The following GFRA1 variants were observed in gnomAD, a reference collection of about 807,000 sequenced individuals.
GFRA1 encodes the protein GDNF family receptor alpha-1.
GFRA1 carries 16 observed loss-of-function variants against 51.6 expected under a neutral mutation model. That is an observed-to-expected ratio of 0.31 (90% confidence interval 0.21 to 0.47). The LOEUF (loss-of-function observed/expected upper bound fraction) is 0.47. Ranked by LOEUF, GFRA1 falls within the 20% of genes least tolerant of loss-of-function variation. GFRA1 has a pLI of 1.00. For missense variants in GFRA1, 530 were observed against 594.3 expected (o/e 0.89, Z 1.13); for synonymous variants, 270 against 241.3 (o/e 1.12, Z -1.10).
At chr10:116,164,595 G>A (rs143970987) in intron 5 of GFRA1, among the ~76,000 whole-genome samples, 331 of 152,254 alleles carry the variant, frequency 2.2e-3, no homozygotes, top group African/African-American at 7.1e-3. Context: ...ATTTATTTTC[G>A]GATTCTCATT....
chr10:116,134,849 C>T (rs558789333), intron 5 of GFRA1, among the ~76,000 whole-genome samples: 9 of 152,182 alleles, frequency 5.9e-5, no homozygotes, highest in Non-Finnish European at 1.2e-4. Context: ...TGTCGCTTGC[C>T]TGCACCCTCT....
intron 4 of GFRA1, among the ~76,000 whole-genome samples, chr10:116,254,777 C>T (rs781634213): frequency 1.2e-4 from 18 of 152,164 alleles, no homozygotes; most frequent in Non-Finnish European, 2.1e-4. Context: ...AAAGAGAAAC[C>T]TTGTCACAGG....
At chr10:116,187,344 G>A (rs1962822266) in intron 5 of GFRA1, among the ~76,000 whole-genome samples, 1 of 152,164 alleles carries the variant, frequency 6.6e-6, no homozygotes, top group Non-Finnish European at 1.5e-5. Flanking sequence ...GCAGGACCCT[G>A]TGTGGCCCCT....
At chr10:116,126,528 T>C (rs977139693) in intron 5 of GFRA1, among the ~76,000 whole-genome samples, 22 of 152,156 alleles carry the variant, frequency 1.4e-4, no homozygotes, top group Non-Finnish European at 2.4e-4. Context: ...CTGTCCCCAA[T>C]AGAGGAATGT....
chr10:116,139,953 A>C (rs1958493811), intron 5 of GFRA1, among the ~76,000 whole-genome samples: 1 of 152,238 alleles, frequency 6.6e-6, no homozygotes, highest in Non-Finnish European at 1.5e-5. Context: ...CACAGATACT[A>C]ATTAGCCTTT....
At chr10:116,222,529 C>T (rs1029986161) in intron 4 of GFRA1, among the ~76,000 whole-genome samples, 2 of 152,158 alleles carry the variant, frequency 1.3e-5, no homozygotes, top group African/African-American at 2.4e-5. Context: ...GGCTCTGCCA[C>T]TGGGAAAGCA....
chr10:116,118,170 A>C (rs1957504457), intron 6 of GFRA1, among the ~76,000 whole-genome samples: 1 of 152,228 alleles, frequency 6.6e-6, no homozygotes, highest in African/African-American at 2.4e-5. Context: ...GTAAAGATTT[A>C]GTCAGTACCC....
chr10:116,164,727 C>T (rs987755117), intron 5 of GFRA1, among the ~76,000 whole-genome samples: 3 of 152,136 alleles, frequency 2.0e-5, no homozygotes, highest in Admixed American at 2.0e-4. Flanking sequence ...ACATGATTTG[C>T]ACTTGAAAAA....
chr10:116,065,357 C>T (rs1186816820), intron 10 of GFRA1, among the ~76,000 whole-genome samples: 2 of 152,164 alleles, frequency 1.3e-5, no homozygotes, highest in African/African-American at 4.8e-5. Flanking sequence ...AATCCTTGGA[C>T]AAAGATTCCA....
intron 5 of GFRA1, among the ~76,000 whole-genome samples, chr10:116,142,506 C>T (rs183998686): frequency 9.3e-4 from 142 of 152,276 alleles, no homozygotes; most frequent in Non-Finnish European, 1.7e-3. Context: ...CAAATTTCAG[C>T]GTTTCGGTTA....
At chr10:116,224,946 T>C (rs1966175357) in intron 4 of GFRA1, among the ~76,000 whole-genome samples, 1 of 152,150 alleles carries the variant, frequency 6.6e-6, no homozygotes, top group African/African-American at 2.4e-5. Flanking sequence ...GTTTATCCTA[T>C]GAACACATCT....
chr10:116,121,072 A>G (rs1338018341), intron 6 of GFRA1, among the ~76,000 whole-genome samples: 1 of 152,182 alleles, frequency 6.6e-6, no homozygotes, highest in Non-Finnish European at 1.5e-5. Context: ...GGTAATGAAG[A>G]ATAGCTGAGG....
intron 9 of GFRA1, among the ~76,000 whole-genome samples, chr10:116,083,799 C>T (rs1955966451): frequency 6.6e-6 from 1 of 152,110 alleles, no homozygotes; most frequent in Admixed American, 6.5e-5. Flanking sequence ...ATACTGGGGC[C>T]GTGGGGAGAG....
intron 9 of GFRA1, among the ~76,000 whole-genome samples, chr10:116,075,209 A>G (rs993700660): frequency 2.6e-5 from 4 of 151,934 alleles, no homozygotes; most frequent in Admixed American, 6.6e-5. Flanking sequence ...TTTTGAGAAT[A>G]GTGGTTTAAA....
At chr10:116,185,433 A>G (rs1176874068) in intron 5 of GFRA1, among the ~76,000 whole-genome samples, 1 of 152,018 alleles carries the variant, frequency 6.6e-6, no homozygotes, top group Admixed American at 6.6e-5. Context: ...GAACCCACTC[A>G]CCAGCTTCCA....
intron 5 of GFRA1, among the ~76,000 whole-genome samples, chr10:116,173,892 C>T (rs980239439): frequency 3.3e-5 from 5 of 152,086 alleles, no homozygotes; most frequent in Admixed American, 3.3e-4. Context: ...ACCAGCCTGA[C>T]CAACATAGAG....
At position 116,255,772 on chromosome 10, in the gene GFRA1, C is replaced by T. The variant is rs1161124324; in HGVS notation, c.418+13731G>A. 25 of 1,283,660 alleles carry T rather than the reference C, an allele frequency of 1.9e-5. No individual in the cohort carries two copies. In the Admixed American group the frequency reaches 3.0e-4, roughly 15 times the overall value. The allele number at this position is 1,283,660 out of a possible 1,614,324, so 79.5% of individuals were successfully genotyped here. On this transcript the variant is annotated intron_variant, in intron 4 of 10. Transcript: ENST00000355422. Reference sequence around the variant, plus strand: ...TTGCACTCTGCACTTTCTGGCCCACCACCATCTCCCCAGCAGCTAGCACAT... The same window carrying T: ...TTGCACTCTGCACTTTCTGGCCCACTACCATCTCCCCAGCAGCTAGCACAT...
chr10:116,102,413 C>T (rs1054196008), intron 6 of GFRA1, among the ~76,000 whole-genome samples: 1 of 152,130 alleles, frequency 6.6e-6, no homozygotes, highest in Non-Finnish European at 1.5e-5. Flanking sequence ...AATTAGGCCC[C>T]CCTTTATAAA....
intron 6 of GFRA1, among the ~76,000 whole-genome samples, chr10:116,099,260 G>A (rs1956724598): frequency 6.6e-6 from 1 of 152,176 alleles, no homozygotes; most frequent in South Asian, 2.1e-4. Context: ...TGGCCATGGT[G>A]GAGGGATTTA....
Sources: allele counts gnomAD v4.1 joint callset (sites outside exome capture counted in the v4.1 genomes callset), GRCh38; gene constraint gnomAD v4.1.1; transcripts MANE v1.5; gene names NCBI Gene and HGNC (gene_info 2026-07-23, HGNC 2026-07-21).